Variants in PIKFYVE observed in about 807,000 individuals in gnomAD.
The protein encoded by PIKFYVE is 1-phosphatidylinositol 3-phosphate 5-kinase.
A neutral mutation model predicts 257.9 loss-of-function variants in PIKFYVE; 122 were observed. The ratio of observed to expected loss-of-function variants is 0.47; its 90% CI spans 0.41 to 0.55. The LOEUF is 0.55. Ranked by LOEUF, PIKFYVE falls within the 20% of genes least tolerant of loss-of-function variation. The pLI, the probability that PIKFYVE is intolerant of heterozygous loss-of-function variation, is 0.00. For synonymous variants in PIKFYVE, 892 were observed against 868.9 expected, an observed-to-expected ratio of 1.03 and a Z score of -0.47; for missense variants, 2,160 against 2,536.6, an observed-to-expected ratio of 0.85 and a Z score of 3.19.
At position 208,271,707 on chromosome 2, in the gene PIKFYVE, G is replaced by C. The variant is rs1689441840; in HGVS notation, c.172+16G>C. On this transcript the variant is annotated intron_variant, in intron 2 of 41. Transcript: ENST00000264380. ...TTTAACAAAGGTAAGACTTATTAAA[G>C]ATAAGAGGTTTGATTCAGGTCTGAT... 1.9e-6 allele frequency: 3 copies of C among 1,605,932 alleles called. No homozygotes were observed. Among genetic ancestry groups the C allele is most frequent in the Admixed American group, 3.3e-5 (2 of 59,976 alleles).
At position 208,314,335 on chromosome 2, in the gene PIKFYVE, C is replaced by T; in HGVS notation, c.1738C>T (p.Leu580=). 1.2e-6 allele frequency: 2 copies of T among 1,613,784 alleles called. No homozygotes were observed. The highest frequency in any genetic ancestry group is 1.7e-6 in the Non-Finnish European group (2 of 1,179,740). ...CCGAGTAGAGGAAAAATCCAAAGAG[C>T]TGCCTTTCACACCTTTGGGCTGGCA... ...NRRVEEKSKE[L]PFTPLGWHHN... Residue 580 remains leucine, a synonymous_variant, in exon 14 of 42, where the codon CTG becomes TTG. Coordinates refer to ENST00000264380, the MANE Select transcript of PIKFYVE (RefSeq NM_015040.4).
chr2:208,345,840 GCA>G (rs1699174413), intron 33 of PIKFYVE, among the ~76,000 whole-genome samples: 1 of 152,018 alleles, frequency 6.6e-6, no homozygotes, highest in Non-Finnish European at 1.5e-5. Flanking sequence ...TATAGTTACA[GCA>G]TTTCACTTTA....
intron 2 of PIKFYVE, among the ~76,000 whole-genome samples, chr2:208,273,300 CTTT>C (rs1559385197): frequency 1.3e-5 from 2 of 152,038 alleles, no homozygotes; most frequent in African/African-American, 4.8e-5. Flanking sequence ...TTTGAATTTT[CTTT>C]TTTTAAAATC....
chr2:208,281,802 C>G (rs1690840296), intron 5 of PIKFYVE, among the ~76,000 whole-genome samples: 1 of 152,238 alleles, frequency 6.6e-6, no homozygotes, highest in Non-Finnish European at 1.5e-5. Flanking sequence ...CCTTCCCAAT[C>G]AACACCCTCA....
At chr2:208,313,645 C>T (rs779644624) in intron 13 of PIKFYVE, among the ~76,000 whole-genome samples, 10 of 146,256 alleles carry the variant, frequency 6.8e-5, no homozygotes, top group African/African-American at 2.3e-4. Context: ...TGCAGTGGTG[C>T]GATCTTGGCT....
intron 11 of PIKFYVE, 31 bp from the exon 12 acceptor site, chr2:208,304,815 T>G: frequency 1.2e-6 from 2 of 1,600,048 alleles, no homozygotes; most frequent in Non-Finnish European, 1.7e-6. Context: ...CTCCTCTCCC[T>G]ATATTTCTTT....
intron 3 of PIKFYVE, chr2:208,273,935 C>T: frequency 6.7e-7 from 1 of 1,494,800 alleles, no homozygotes; most frequent in South Asian, 1.2e-5. Context: ...TGAAAAAATT[C>T]TTAAACGTCT....
At chr2:208,354,501 A>G (rs1398790484) in intron 40 of PIKFYVE, 70 bp from the exon 41 acceptor site, 1 of 1,317,178 alleles carries the variant, frequency 7.6e-7, no homozygotes, top group African/African-American at 1.5e-5. Context: ...AGTAATAGTC[A>G]TTGCTGTTGT....
chr2:208,268,631 T>G (rs1574371844), intron 1 of PIKFYVE, among the ~76,000 whole-genome samples: 1 of 151,712 alleles, frequency 6.6e-6, no homozygotes, highest in Non-Finnish European at 1.5e-5. Flanking sequence ...TGTATACTTA[T>G]TCAGTTATCA....
At chr2:208,271,458 C>CT (rs1275250547) in intron 1 of PIKFYVE, 53 bp from the exon 2 acceptor site, 6 of 1,563,490 alleles carry the variant, frequency 3.8e-6, no homozygotes, top group Non-Finnish European at 5.3e-6. Flanking sequence ...TTGGAATCAA[C>CT]TTTTGAGCTT....
chr2:208,288,958 C>A, intron 7 of PIKFYVE, 140 bp downstream of exon 7: 1 of 1,148,610 alleles, frequency 8.7e-7, no homozygotes, highest in Non-Finnish European at 1.2e-6. Flanking sequence ...CTATCATTTT[C>A]TTTTTGCTAT....
At chr2:208,342,492 CTTAA>C (rs761288316) in intron 31 of PIKFYVE, 58 bp from the exon 32 acceptor site, 71 of 1,317,422 alleles carry the variant, frequency 5.4e-5, no homozygotes, top group Non-Finnish European at 6.8e-5. Flanking sequence ...TTTTGGCTTT[CTTAA>C]TTATATTCTT....
Position 208,329,713 on chromosome 2 carries a change from G to T in PIKFYVE, c.3720-129G>T, listed in dbSNP as rs150548874. On this transcript the variant is annotated intron_variant, in intron 21 of 41. Transcript: ENST00000264380. ...TTAAAACCTGTTTCATAACAACAAAGAACATTACCTCCTTTCATACTTCAT... is the reference window on the plus strand; with the variant it reads ...TTAAAACCTGTTTCATAACAACAAATAACATTACCTCCTTTCATACTTCAT... 1.2e-3 allele frequency: 1,746 copies of T among 1,456,576 alleles called. 15 individuals carry two copies. In the African/African-American group the frequency reaches 0.022, roughly 19 times the overall value. 90.2% of individuals were successfully genotyped at this position (1,456,576 alleles called of 1,614,324 possible).
intron 28 of PIKFYVE, among the ~76,000 whole-genome samples, chr2:208,338,228 A>G (rs1185501120): frequency 6.6e-6 from 1 of 152,058 alleles, no homozygotes; most frequent in African/African-American, 2.4e-5. Context: ...ATTTTAGAAA[A>G]TCGGTATGTT....
intron 7 of PIKFYVE, among the ~76,000 whole-genome samples, chr2:208,293,473 G>T (rs1692574161): frequency 6.6e-6 from 1 of 151,924 alleles, no homozygotes; most frequent in African/African-American, 2.4e-5. Context: ...AGGTCTACTG[G>T]CAAAAAATTC....
chr2:208,297,289 T>C (rs923941093), intron 7 of PIKFYVE, among the ~76,000 whole-genome samples: 17 of 152,172 alleles, frequency 1.1e-4, no homozygotes, highest in Admixed American at 9.8e-4. Context: ...GTAGAATGTA[T>C]GGATAATGCA....
intron 16 of PIKFYVE, among the ~76,000 whole-genome samples, chr2:208,319,120 G>A (rs1695907434): frequency 6.6e-6 from 1 of 152,166 alleles, no homozygotes; most frequent in South Asian, 2.1e-4. Flanking sequence ...CACTTCTGGG[G>A]ATACTGATTT....
intron 11 of PIKFYVE, among the ~76,000 whole-genome samples, 155 bp from the exon 12 acceptor site, chr2:208,304,691 A>G (rs1694105710): frequency 1.3e-5 from 2 of 152,318 alleles, no homozygotes; most frequent in Non-Finnish European, 2.9e-5. Flanking sequence ...TTAAGTCTAC[A>G]CAGAAGTACA....
intron 35 of PIKFYVE, among the ~76,000 whole-genome samples, 164 bp from the exon 36 acceptor site, chr2:208,349,860 A>G (rs1326092638): frequency 1.3e-5 from 2 of 152,180 alleles, no homozygotes; most frequent in Non-Finnish European, 2.9e-5. Context: ...GATCATTTAG[A>G]CAGTTTAATT....
Sources: allele counts gnomAD v4.1 joint callset (sites outside exome capture counted in the v4.1 genomes callset), GRCh38; gene constraint gnomAD v4.1.1; transcripts MANE v1.5; gene names NCBI Gene and HGNC (gene_info 2026-07-23, HGNC 2026-07-21).